TBCE: variants seen among roughly 807,000 people sequenced by gnomAD.
TBCE encodes tubulin folding cofactor E, also known as tubulin-specific chaperone E.
Under a neutral mutation model 77.0 loss-of-function variants are expected in TBCE, and 53 were observed. The ratio of observed to expected loss-of-function variants is 0.69; its 90% CI spans 0.55 to 0.87. TBCE has a LOEUF of 0.87. Ranked by LOEUF, TBCE falls within the 40% of genes least tolerant of loss-of-function variation. TBCE has a pLI of 0.00. For missense variants in TBCE, 624 were observed against 622.4 expected (o/e 1.00, Z -0.03); for synonymous variants, 235 against 241.3 (o/e 0.97, Z 0.24).
intron 1 of TBCE, among the ~76,000 whole-genome samples, chr1:235,371,491 TCAGCCTC>T (rs1676951683): frequency 6.8e-6 from 1 of 147,020 alleles, no homozygotes. Flanking sequence ...TTCTCCCACC[TCAGCCTC>T]TGAGTAGCTG....
intron 2 of TBCE, among the ~76,000 whole-genome samples, chr1:235,398,142 CTTTT>C (rs11285697): frequency 1.5e-5 from 2 of 129,738 alleles, no homozygotes; most frequent in South Asian, 2.3e-4. Context: ...TTACTTCTTT[CTTTT>C]TTTTTTTTTT....
chr1:235,393,608 GT>G (rs11303548), intron 2 of TBCE, among the ~76,000 whole-genome samples: 85,085 of 151,452 alleles, frequency 0.56, 24,022 homozygotes, highest in East Asian at 0.62. Context: ...AGTTTTAAAT[GT>G]TTTTTTTTCA....
chr1:235,422,285 G>T (rs1041839077), intron 5 of TBCE, among the ~76,000 whole-genome samples: 3 of 152,226 alleles, frequency 2.0e-5, no homozygotes, highest in Non-Finnish European at 4.4e-5. Context: ...GCCAAGGCGG[G>T]TGGATCACCT....
chr1:235,447,221 CTAAAA>C (rs1467010576), intron 15 of TBCE, among the ~76,000 whole-genome samples: 3 of 152,076 alleles, frequency 2.0e-5, no homozygotes, highest in Non-Finnish European at 4.4e-5. Context: ...AGTTTTTATT[CTAAAA>C]TAAAGAACAT....
At chr1:235,397,129 C>T (rs1243668720) in intron 2 of TBCE, among the ~76,000 whole-genome samples, 1 of 151,762 alleles carries the variant, frequency 6.6e-6, no homozygotes, top group Non-Finnish European at 1.5e-5. Context: ...GGTGCGCCAC[C>T]ACGCCCAGCT....
chr1:235,409,457 G>A lies in TBCE; in HGVS notation c.186-4976G>A, dbSNP rs570849557. Among the ~76,000 whole-genome samples the A allele has an allele frequency of 3.3e-5, 5 of 152,152 alleles. No individual in the cohort carries two copies. In the East Asian group the frequency reaches 7.7e-4, roughly 24 times the overall value. ...ACAGTTTACCTCTTGGAGATTTGTT[G>A]TTATTGATGGGCACCCATTCAGCTA... On this transcript the variant is annotated intron_variant, in intron 3 of 16. Coordinates refer to ENST00000642610, the MANE Select transcript of TBCE (RefSeq NM_003193.5).
At chr1:235,419,817 G>A (rs1680297626) in intron 5 of TBCE, among the ~76,000 whole-genome samples, 1 of 152,204 alleles carries the variant, frequency 6.6e-6, no homozygotes, top group Non-Finnish European at 1.5e-5. Context: ...GCCAGGCGCA[G>A]TGGCTCACGC....
chr1:235,436,431 T>C lies in TBCE; in HGVS notation c.879T>C (p.His293=), dbSNP rs375125916. The C allele has an allele frequency of 7.4e-6, 12 of 1,614,090 alleles. No homozygotes were observed. Among genetic ancestry groups the C allele is most frequent in the Non-Finnish European group, 9.3e-6 (11 of 1,179,958 alleles). The part of the protein sequence containing the change: ...ILSDTGISSL[H]FPDAGIGCKT... ...CTGACACTGGAATTTCTTCTCTACA[T>C]TTTCCGGATGCTGGAATTGGTATAT... The change falls in exon 10 of 17, where the codon CAT becomes CAC. Residue 293 remains histidine, a synonymous_variant. Transcript: ENST00000642610.
At chr1:235,407,286 A>G (rs1254526043) in intron 3 of TBCE, among the ~76,000 whole-genome samples, 3 of 149,860 alleles carry the variant, frequency 2.0e-5, no homozygotes, top group Admixed American at 1.3e-4. Flanking sequence ...GAGACTCCCT[A>G]TTTTGCCCTG....
At chr1:235,416,483 A>G (rs898911277) in intron 4 of TBCE, among the ~76,000 whole-genome samples, 3 of 150,626 alleles carry the variant, frequency 2.0e-5, no homozygotes, top group Non-Finnish European at 4.4e-5. Flanking sequence ...ACATGATTGC[A>G]CCACTGCACT....
At chr1:235,443,672 G>T (rs191872823) in intron 15 of TBCE, among the ~76,000 whole-genome samples, 1 of 152,098 alleles carries the variant, frequency 6.6e-6, no homozygotes, top group Non-Finnish European at 1.5e-5. Flanking sequence ...AAATTCTTAC[G>T]GGAGGTTTGT....
intron 13 of TBCE, among the ~76,000 whole-genome samples, chr1:235,440,010 G>C (rs1002333083): frequency 1.3e-5 from 2 of 150,894 alleles, no homozygotes; most frequent in African/African-American, 4.9e-5. Context: ...TCGCTCTGTC[G>C]CCCAGGCTGG....
At chr1:235,442,013 T>A (rs1681911565) in intron 14 of TBCE, 131 bp downstream of exon 14, 5 of 773,512 alleles carry the variant, frequency 6.5e-6, no homozygotes, top group African/African-American at 1.8e-5. Flanking sequence ...TGAAAATTTT[T>A]TTTTTTTTTT....
chr1:235,429,373 A>G (rs902430159), intron 6 of TBCE: 2 of 152,182 alleles, frequency 1.3e-5, no homozygotes, highest in African/African-American at 2.4e-5. Context: ...TGAATAAGGA[A>G]TGTGTTTTAA....
At chr1:235,370,323 G>A (rs1002668307) in intron 1 of TBCE, among the ~76,000 whole-genome samples, 1 of 147,056 alleles carries the variant, frequency 6.8e-6, no homozygotes, top group African/African-American at 2.6e-5. Flanking sequence ...GTACGTTCTC[G>A]GCTCACTGCA....
chr1:235,448,113 T>C (rs528118036), intron 15 of TBCE, among the ~76,000 whole-genome samples: 46 of 151,642 alleles, frequency 3.0e-4, no homozygotes, highest in African/African-American at 9.9e-4. Context: ...GGCAGGAGAA[T>C]TGTTTGAACC....
At chr1:235,395,183 C>T (rs1678649068) in intron 2 of TBCE, among the ~76,000 whole-genome samples, 1 of 151,912 alleles carries the variant, frequency 6.6e-6, no homozygotes, top group Admixed American at 6.6e-5. Context: ...GGGTAAATAC[C>T]AAGGAGGATG....
In TBCE at chr1:235,436,402, C is replaced by T. The variant is rs941572631; in HGVS notation, c.850C>T (p.Leu284Phe). ...GAATTTCAGGTTAGAACAATTAATC[C>T]TCTCTGACACTGGAATTTCTTCTCT... is the stretch of plus-strand genomic sequence containing the variant. ...AHLPRLEQLI[L>F]SDTGISSLHF... is the part of the protein sequence containing the mutation. Residue 284 changes from leucine (L) to phenylalanine (F), a missense_variant, in exon 10 of 17, where the codon CTC (leucine) becomes TTC (phenylalanine). By Grantham distance (22) the Leu-to-Phe change is conservative (BLOSUM62 0). Transcript: ENST00000642610. 1 of 1,613,772 alleles carries T rather than the reference C, an allele frequency of 6.2e-7. No homozygotes were observed. The highest frequency in any genetic ancestry group is 8.5e-7 in the Non-Finnish European group (1 of 1,179,896).
At chr1:235,369,099 C>G (rs1218822363) in intron 1 of TBCE, among the ~76,000 whole-genome samples, 1 of 152,026 alleles carries the variant, frequency 6.6e-6, no homozygotes, top group African/African-American at 2.4e-5. Flanking sequence ...AGTTTCTGCT[C>G]TTTCCTCTTT....
Sources: allele counts gnomAD v4.1 joint callset (sites outside exome capture counted in the v4.1 genomes callset), GRCh38; gene constraint gnomAD v4.1.1; transcripts MANE v1.5; gene names NCBI Gene and HGNC (gene_info 2026-07-23, HGNC 2026-07-21).